The following PRKN variants were observed in gnomAD, a reference collection of about 807,000 sequenced individuals.
PRKN encodes E3 ubiquitin-protein ligase parkin.
PRKN carries 56 observed loss-of-function variants against 59.5 expected under a neutral mutation model. The ratio of observed to expected loss-of-function variants is 0.94; its 90% CI spans 0.76 to 1.18. PRKN has a LOEUF of 1.18. Ranked by LOEUF, PRKN falls within the 50% of genes most tolerant of loss-of-function variation. PRKN has a pLI of 0.00. For missense variants in PRKN, 657 were observed against 596.4 expected (o/e 1.10, Z -1.06); for synonymous variants, 250 against 222.1 (o/e 1.13, Z -1.12).
chr6:161,757,502 C>G (rs1381588004), intron 7 of PRKN, among the ~76,000 whole-genome samples: 3 of 152,008 alleles, frequency 2.0e-5, no homozygotes, highest in African/African-American at 7.2e-5. Context: ...TTTTAACAGG[C>G]ACTTCACCAA....
intron 2 of PRKN, among the ~76,000 whole-genome samples, chr6:162,360,570 TAA>T (rs2128133730): frequency 6.6e-6 from 1 of 152,236 alleles, no homozygotes; most frequent in South Asian, 2.1e-4. Flanking sequence ...GCACATAAAA[TAA>T]GTCATTTGTT....
intron 6 of PRKN, among the ~76,000 whole-genome samples, chr6:161,964,642 T>C (rs1026752954): frequency 2.0e-5 from 3 of 152,072 alleles, no homozygotes; most frequent in Admixed American, 6.6e-5. Context: ...GAGAAATATA[T>C]AGCTCTGTGT....
rs1052831133 is a variant in PRKN at position 162,294,956 on chromosome 6, A to G, written c.172-32191T>C. Among the ~76,000 whole-genome samples the G allele has an allele frequency of 3.9e-5, 6 of 152,188 alleles. No homozygotes were observed. The East Asian group carries it at 1.2e-3, about 29-fold the overall frequency. On this transcript the variant is annotated intron_variant, in intron 2 of 11. Transcript: ENST00000366898. ...GGATCTGGGTTGTGCTTCCTCGATC[A>G]CTAACCCTAGTAACCATACTTATTA...
At chr6:161,906,668 ATATATATG>A (rs74273775) in intron 6 of PRKN, among the ~76,000 whole-genome samples, 5,562 of 126,524 alleles carry the variant, frequency 0.044, 420 homozygotes, top group Middle Eastern at 0.08. Flanking sequence ...ACATATATAT[ATATATATG>A]TATATATGAG....
chr6:161,866,020 G>T (rs1794097670), intron 6 of PRKN, among the ~76,000 whole-genome samples: 2 of 152,092 alleles, frequency 1.3e-5, no homozygotes, highest in South Asian at 4.1e-4. Context: ...TGAGCCCATT[G>T]TAAGGTTATT....
At chr6:162,390,248 A>C (rs1213846818) in intron 2 of PRKN, among the ~76,000 whole-genome samples, 9 of 151,816 alleles carry the variant, frequency 5.9e-5, no homozygotes, top group Non-Finnish European at 1.0e-4. Context: ...AACACCAAAT[A>C]GTGAAAAATA....
chr6:161,466,794 C>G lies in PRKN; in HGVS notation c.1084-79917G>C, dbSNP rs1790498697. Among the ~76,000 whole-genome samples the G allele has an allele frequency of 6.6e-6, 1 of 152,136 alleles. No homozygotes were observed. The highest frequency in any genetic ancestry group is 2.4e-5 in the African/African-American group (1 of 41,410). On this transcript the variant is annotated intron_variant, in intron 9 of 11. Transcript: ENST00000366898. This position sits in a 1 kb window ranked among gnomAD's most constrained non-coding sequence, Gnocchi z 5.0. ...TATTTCAAAGCTGTCAAGTAGAGCC[C>G]AAAAAGAGTGGAATCTCAGGGTTCT...
chr6:162,034,192 G>GT (rs1783754174), intron 5 of PRKN, among the ~76,000 whole-genome samples: 1 of 136,432 alleles, frequency 7.3e-6, no homozygotes, highest in East Asian at 2.2e-4. Context: ...TATATAGAGA[G>GT]AGAGAGAGAG....
chr6:162,083,435 A>T (rs2128294121), intron 4 of PRKN, among the ~76,000 whole-genome samples: 1 of 152,168 alleles, frequency 6.6e-6, no homozygotes, highest in Middle Eastern at 3.4e-3. Context: ...AATACCAGAG[A>T]AGGGCAATGA....
In PRKN at chr6:161,372,684, A is replaced by C. The variant is rs373360038; in HGVS notation, c.1168-12479T>G. 6.6e-6 allele frequency among the ~76,000 whole-genome samples: 1 copy of C among 152,216 alleles called. No homozygotes were observed. Among genetic ancestry groups the C allele is most frequent in the East Asian group, 1.9e-4 (1 of 5,178 alleles). ...CCACTACCCCTCTGGGTCTGAATCC[A>C]TAGGTCTGGGATTGCGCTCAAGGAC... On this transcript the variant is annotated intron_variant, in intron 10 of 11. Coordinates refer to ENST00000366898, the MANE Select transcript of PRKN (RefSeq NM_004562.3). This position sits in a 1 kb window ranked among gnomAD's most constrained non-coding sequence, Gnocchi z 4.2.
chr6:162,011,906 T>TACTC (rs1782737256), intron 5 of PRKN, among the ~76,000 whole-genome samples: 1 of 151,294 alleles, frequency 6.6e-6, no homozygotes, highest in African/African-American at 2.4e-5. Flanking sequence ...TGTGAGAACT[T>TACTC]TGGAGAAATA....
chr6:162,589,445 C>T (rs1020232616), intron 1 of PRKN, among the ~76,000 whole-genome samples: 1 of 152,130 alleles, frequency 6.6e-6, no homozygotes, highest in Non-Finnish European at 1.5e-5. Flanking sequence ...CTCATTCACA[C>T]TTCTGGGAAA....
chr6:161,656,214 G>A (rs1176853950), intron 7 of PRKN, among the ~76,000 whole-genome samples: 9 of 152,174 alleles, frequency 5.9e-5, no homozygotes, highest in Non-Finnish European at 8.8e-5. Flanking sequence ...AGCGATGGGC[G>A]TGCAGACTGA....
intron 10 of PRKN, among the ~76,000 whole-genome samples, chr6:161,367,087 T>G (rs1220454092): frequency 8.2e-5 from 12 of 145,864 alleles, no homozygotes; most frequent in Non-Finnish European, 1.6e-4. Flanking sequence ...GCCTCCCGGG[T>G]TCACGCCATT....
intron 4 of PRKN, among the ~76,000 whole-genome samples, chr6:162,198,459 T>G (rs555705454): frequency 1.3e-5 from 2 of 151,762 alleles, no homozygotes; most frequent in African/African-American, 4.8e-5. Context: ...CATGAGTATA[T>G]ATAAATATAT....
At chr6:162,423,403 C>T (rs1239521302) in intron 2 of PRKN, among the ~76,000 whole-genome samples, 1 of 152,176 alleles carries the variant, frequency 6.6e-6, no homozygotes, top group Non-Finnish European at 1.5e-5. Flanking sequence ...ACCTTCCCTC[C>T]TTCCTTCCCT....
intron 7 of PRKN, among the ~76,000 whole-genome samples, chr6:161,594,987 C>A (rs1224458164): frequency 6.6e-6 from 1 of 152,034 alleles, no homozygotes; most frequent in African/African-American, 2.4e-5. Flanking sequence ...TGGGGGGGTC[C>A]CCAAGAAAGC....
At chr6:162,122,806 T>C (rs1014930358) in intron 4 of PRKN, among the ~76,000 whole-genome samples, 7 of 152,110 alleles carry the variant, frequency 4.6e-5, no homozygotes, top group African/African-American at 1.7e-4. Context: ...CAGCAACCAA[T>C]ATATGGTGCT....
chr6:161,426,985 C>T (rs1788396130), intron 9 of PRKN, among the ~76,000 whole-genome samples: 1 of 152,084 alleles, frequency 6.6e-6, no homozygotes, highest in Non-Finnish European at 1.5e-5. Flanking sequence ...TCCCAAAGTG[C>T]TGGGATTACA....
Sources: gnomAD v4.1 joint callset for allele counts (sites outside exome capture counted in the v4.1 genomes callset) on GRCh38, gnomAD v4.1.1 for gene constraint, Gnocchi (gnomAD v3.1) non-coding constraint, MANE v1.5 for transcripts, NCBI Gene and HGNC (gene_info 2026-07-23, HGNC 2026-07-21) for gene names.